The following PIEZO2 variants were observed in gnomAD, a reference collection of about 807,000 sequenced individuals.
PIEZO2 encodes the protein piezo type mechanosensitive ion channel component 2.
Under a neutral mutation model 337.3 loss-of-function variants are expected in PIEZO2, and 172 were observed. The ratio of observed to expected loss-of-function variants is 0.51; its 90% CI spans 0.45 to 0.58. PIEZO2 has a LOEUF of 0.58. PIEZO2 is among the 20% of genes least tolerant of loss of function. PIEZO2 has a pLI of 0.00. For synonymous variants in PIEZO2, 1,251 were observed against 1,228.5 expected (o/e 1.02, Z -0.38); for missense variants, 3,028 against 3,391.3 (o/e 0.89, Z 2.66).
chr18:11,059,897 C>A (rs1313529347), intron 2 of PIEZO2, among the ~76,000 whole-genome samples: 1 of 152,146 alleles, frequency 6.6e-6, no homozygotes, highest in South Asian at 2.1e-4. Flanking sequence ...CAGCTCTGCA[C>A]CAAGTGGACC....
intron 1 of PIEZO2, among the ~76,000 whole-genome samples, chr18:11,135,736 C>T (rs1358510590): frequency 2.0e-5 from 3 of 152,142 alleles, no homozygotes; most frequent in Non-Finnish European, 2.9e-5. Context: ...TTAGTAGAAA[C>T]AGGGTTTCAC....
At chr18:10,966,031 G>T (rs2033982908) in intron 3 of PIEZO2, among the ~76,000 whole-genome samples, 1 of 152,142 alleles carries the variant, frequency 6.6e-6, no homozygotes, top group Non-Finnish European at 1.5e-5. Flanking sequence ...AACAAATACA[G>T]AATGCCAATC....
intron 36 of PIEZO2, chr18:10,725,193 C>A: frequency 2.6e-6 from 4 of 1,549,736 alleles, no homozygotes; most frequent in Non-Finnish European, 3.6e-6. Context: ...AGGCAGTTGG[C>A]ATCATTGAGG....
At position 11,104,205 on chromosome 18, in the gene PIEZO2, C is replaced by A. The variant is rs80065486; in HGVS notation, c.65-37983G>T. Among the ~76,000 whole-genome samples, 1,222 of 152,186 alleles carry A rather than the reference C, an allele frequency of 8.0e-3. 17 individuals are homozygous for A. Among genetic ancestry groups the A allele is most frequent in the African/African-American group, 0.028 (1,146 of 41,520 alleles). On this transcript the variant is annotated intron_variant, in intron 1 of 55. Coordinates refer to ENST00000674853, the MANE Select transcript of PIEZO2 (RefSeq NM_001378183.1). This position sits in a 1 kb window ranked among gnomAD's most constrained non-coding sequence, Gnocchi z 4.6. Reference sequence around the variant, plus strand: ...ATGCATAATGCACCAGGAGAATGGTCTATGTAACACTTGGAGCCCAGAATT... The same window carrying A: ...ATGCATAATGCACCAGGAGAATGGTATATGTAACACTTGGAGCCCAGAATT...
intron 33 of PIEZO2, chr18:10,738,530 G>T (rs2037097548): frequency 6.6e-6 from 1 of 152,242 alleles, no homozygotes; most frequent in Middle Eastern, 3.4e-3. Context: ...TTATTGAAAT[G>T]AAACTAGGAA....
rs1366966907 is a variant in PIEZO2 at position 10,878,671 on chromosome 18, A to G, written c.330-7256T>C. Among the ~76,000 whole-genome samples the G allele has an allele frequency of 6.6e-6, 1 of 152,194 alleles. No homozygotes were observed. The highest frequency in any genetic ancestry group is 2.1e-4 in the South Asian group (1 of 4,828). On this transcript the variant is annotated intron_variant, in intron 4 of 55. Coordinates refer to ENST00000674853, the MANE Select transcript of PIEZO2 (RefSeq NM_001378183.1). This position sits in a 1 kb window ranked among gnomAD's most constrained non-coding sequence, Gnocchi z 4.3. ...TCAAAAAAATTATTAAGCACTTACT[A>G]TGTGCCAGACACTGTCTCTAAGCAC...
intron 47 of PIEZO2, among the ~76,000 whole-genome samples, chr18:10,693,629 G>A (rs2034959163): frequency 1.3e-5 from 2 of 151,370 alleles, no homozygotes; most frequent in Non-Finnish European, 2.9e-5. Flanking sequence ...GCCTCCCATA[G>A]TGCTGGGATT....
chr18:11,093,532 G>A lies in PIEZO2; in HGVS notation c.65-27310C>T, dbSNP rs142515099. On this transcript the variant is annotated intron_variant, in intron 1 of 55. Coordinates refer to ENST00000674853, the MANE Select transcript of PIEZO2 (RefSeq NM_001378183.1). ...TTTCCTTTACAAATTTTGACGTGTCGAAAGACGGATTTCTCCTTGACATCC... is the reference window on the plus strand; with the variant it reads ...TTTCCTTTACAAATTTTGACGTGTCAAAAGACGGATTTCTCCTTGACATCC... Among the ~76,000 whole-genome samples the A allele has an allele frequency of 6.0e-3, 893 of 148,210 alleles. 4 individuals carry two copies. The highest frequency in any genetic ancestry group is 8.6e-3 in the Non-Finnish European group (580 of 67,126).
rs1226474105 is a variant in PIEZO2, at chr18:10,945,681, G to A, written c.286+33854C>T. Reference sequence around the variant, plus strand: ...CACATATATAAAGAAGCAGAAAATAGGACCCATAATCAGCAGAAAAAATCA... The same window carrying A: ...CACATATATAAAGAAGCAGAAAATAAGACCCATAATCAGCAGAAAAAATCA... On this transcript the variant is annotated intron_variant, in intron 3 of 55. Transcript: ENST00000674853. The surrounding 1 kb of genome is among the most constrained non-coding windows in gnomAD (Gnocchi z 4.0). 6.6e-6 allele frequency among the ~76,000 whole-genome samples: 1 copy of A among 152,130 alleles called. No individual in the cohort carries two copies. The highest frequency in any genetic ancestry group is 2.4e-5 in the African/African-American group (1 of 41,424).
chr18:11,021,971 G>T lies in PIEZO2; in HGVS notation c.161-42311C>A, dbSNP rs1333598660. 6.6e-6 allele frequency among the ~76,000 whole-genome samples: 1 copy of T among 152,156 alleles called. No homozygotes were observed. Among genetic ancestry groups the T allele is most frequent in the African/African-American group, 2.4e-5 (1 of 41,442 alleles). The stretch of plus-strand genomic sequence containing the variant: ...CACCACGTGTGAAGGGGATTTGCAG[G>T]GGGGTCTCTCAAGAACAAACCCCAG... On this transcript the variant is annotated intron_variant, in intron 2 of 55. Transcript: ENST00000674853. This position sits in a 1 kb window ranked among gnomAD's most constrained non-coding sequence, Gnocchi z 4.7.
intron 55 of PIEZO2, 29 bp from the exon 56 acceptor site, chr18:10,671,808 T>C: frequency 6.4e-7 from 1 of 1,562,492 alleles, no homozygotes; most frequent in Non-Finnish European, 8.7e-7. Context: ...AGAAATTGCA[T>C]ACAGCAGTTA....
At chr18:10,753,377 TG>T in intron 27 of PIEZO2, among the ~76,000 whole-genome samples, 1 of 152,220 alleles carries the variant, frequency 6.6e-6, no homozygotes, top group East Asian at 1.9e-4. Flanking sequence ...GGGGCTTTTT[TG>T]TTCTTTCCAA....
At chr18:11,061,679 C>T (rs2037964761) in intron 2 of PIEZO2, among the ~76,000 whole-genome samples, 2 of 151,898 alleles carry the variant, frequency 1.3e-5, no homozygotes, top group African/African-American at 2.4e-5. Flanking sequence ...GAATAAAATA[C>T]CTAGGAATCC....
chr18:11,086,503 A>G (rs1221298682), intron 1 of PIEZO2, among the ~76,000 whole-genome samples: 1 of 145,888 alleles, frequency 6.9e-6, no homozygotes, highest in Non-Finnish European at 1.5e-5. Flanking sequence ...TGGGCAACAG[A>G]GCGAGACTCC....
At position 11,116,923 on chromosome 18, in the gene PIEZO2, A is replaced by C. The variant is rs879433691; in HGVS notation, c.64+31602T>G. Among the ~76,000 whole-genome samples, 23 of 152,110 alleles carry C rather than the reference A, an allele frequency of 1.5e-4. No homozygotes were observed. The highest frequency in any genetic ancestry group is 2.6e-4 in the Non-Finnish European group (18 of 68,020). ...CAGGGGTTCAAAACCAGCCTGACCA[A>C]CATGATGAAACCCTGTCTCTACTAA... On this transcript the variant is annotated intron_variant, in intron 1 of 55. Transcript: ENST00000674853. The surrounding 1 kb of genome is among the most constrained non-coding windows in gnomAD (Gnocchi z 5.0).
intron 1 of PIEZO2, among the ~76,000 whole-genome samples, chr18:11,066,548 T>G (rs532738100): frequency 1.3e-5 from 2 of 152,278 alleles, no homozygotes; most frequent in East Asian, 1.9e-4. Flanking sequence ...AGATGTAAAT[T>G]GTGACACCAA....
chr18:10,675,300 G>GAA lies in PIEZO2; in HGVS notation c.8082-14_8082-13dup. ...TCTTTTCTATGGTCCTGTACATTAA[G>GAA]AAAAAAAAGATACAATTACGTTTTA... is the stretch of plus-strand genomic sequence containing the variant. On this transcript the variant is annotated splice_polypyrimidine_tract_variant and intron_variant, in intron 53 of 55. Coordinates refer to ENST00000674853, the MANE Select transcript of PIEZO2 (RefSeq NM_001378183.1). 7.1e-7 allele frequency: 1 copy of GAA among 1,402,326 alleles called. No homozygotes were observed. Among genetic ancestry groups the GAA allele is most frequent in the Non-Finnish European group, 9.6e-7 (1 of 1,044,224 alleles). 86.9% of individuals were successfully genotyped at this position (1,402,326 alleles called of 1,614,324 possible).
chr18:10,673,003 G>A lies in PIEZO2; in HGVS notation c.8162-130C>T. On this transcript the variant is annotated intron_variant, in intron 54 of 55. Coordinates refer to ENST00000674853, the MANE Select transcript of PIEZO2 (RefSeq NM_001378183.1). The surrounding 1 kb of genome is among the most constrained non-coding windows in gnomAD (Gnocchi z 4.8). ...GGTTCTAGGATGAAAAGGATGCATG[G>A]ACATACTAGAAGCGTGAATGGGCAA... 1.4e-6 allele frequency: 1 copy of A among 724,262 alleles called. No individual in the cohort carries two copies. The highest frequency in any genetic ancestry group is 2.2e-6 in the Non-Finnish European group (1 of 448,388). The allele number at this position is 724,262 out of a possible 1,614,324, so 44.9% of individuals were successfully genotyped here. A position where few individuals can be genotyped will look rare whatever the true frequency, so the allele number is the denominator to read the frequency against.
intron 7 of PIEZO2, among the ~76,000 whole-genome samples, chr18:10,823,032 C>CT (rs1301298091): frequency 2.0e-5 from 3 of 152,092 alleles, no homozygotes; most frequent in Admixed American, 6.5e-5. Context: ...AATGATATAA[C>CT]TTTTTCTTTC....
Sources: allele counts gnomAD v4.1 joint callset (sites outside exome capture counted in the v4.1 genomes callset), GRCh38; gene constraint gnomAD v4.1.1; non-coding constraint Gnocchi (gnomAD v3.1); transcripts MANE v1.5; gene names NCBI Gene and HGNC (gene_info 2026-07-23, HGNC 2026-07-21).